Variants in SOX5 observed in about 807,000 individuals in gnomAD.
The protein encoded by SOX5 is SRY-box transcription factor 5, also known as transcription factor SOX-5.
SOX5 carries 9 observed loss-of-function variants against 92.0 expected under a neutral mutation model. That is an observed-to-expected ratio of 0.10 (90% CI 0.06 to 0.17). The LOEUF (loss-of-function observed/expected upper bound fraction) is 0.17. Among genes scored for constraint, SOX5 ranks in the 10% least tolerant of loss-of-function variants. The pLI is 1.00. For synonymous variants in SOX5, 344 were observed against 336.3 expected (o/e 1.02, Z -0.25); for missense variants, 642 against 944.5 (o/e 0.68, Z 4.20).
intron 4 of SOX5, among the ~76,000 whole-genome samples, chr12:24,096,847 AGT>A (rs777075313): frequency 2.0e-5 from 3 of 152,168 alleles, no homozygotes; most frequent in African/African-American, 7.2e-5. Flanking sequence ...CTTGTACAAA[AGT>A]GTGTGTGTCT....
chr12:23,604,674 A>C, intron 8 of SOX5, 141 bp from the exon 9 acceptor site: 1 of 736,382 alleles, frequency 1.4e-6, no homozygotes, highest in Non-Finnish European at 2.2e-6. Flanking sequence ...TAAAGAAAGA[A>C]GCTGTCACCT....
chr12:24,332,571 T>A (rs1277539526), intron 2 of SOX5, among the ~76,000 whole-genome samples: 2 of 151,752 alleles, frequency 1.3e-5, no homozygotes, highest in East Asian at 1.9e-4. Flanking sequence ...AATTAAAAAA[T>A]AAATCTAAAA....
At chr12:23,834,197 G>A (rs1385601315) in intron 3 of SOX5, among the ~76,000 whole-genome samples, 3 of 151,886 alleles carry the variant, frequency 2.0e-5, no homozygotes, top group African/African-American at 7.2e-5. Flanking sequence ...TAAGGCAGTG[G>A]AACGGCATAT....
chr12:23,902,735 C>T (rs1489908091), intron 1 of SOX5, among the ~76,000 whole-genome samples: 1 of 152,052 alleles, frequency 6.6e-6, no homozygotes, highest in Non-Finnish European at 1.5e-5. Flanking sequence ...GACCATTTCA[C>T]TTTATGTCAC....
intron 1 of SOX5, among the ~76,000 whole-genome samples, chr12:24,371,284 A>T (rs578133530): frequency 2.0e-5 from 3 of 152,342 alleles, no homozygotes; most frequent in Non-Finnish European, 4.4e-5. Context: ...CTTCAGTCCT[A>T]AAAATACAAA....
chr12:23,568,620 T>C (rs1166337870), intron 10 of SOX5, among the ~76,000 whole-genome samples: 3 of 152,258 alleles, frequency 2.0e-5, no homozygotes, highest in Admixed American at 2.0e-4. Context: ...CAGTCCCCTC[T>C]TTCTATATTC....
At chr12:24,067,737 A>G (rs1186128732) in intron 4 of SOX5, among the ~76,000 whole-genome samples, 1 of 152,196 alleles carries the variant, frequency 6.6e-6, no homozygotes, top group Non-Finnish European at 1.5e-5. Flanking sequence ...ACTTAACGCA[A>G]TCAGTAAACA....
intron 4 of SOX5, among the ~76,000 whole-genome samples, chr12:24,151,568 GT>G (rs748289889): frequency 2.6e-5 from 4 of 151,286 alleles, no homozygotes; most frequent in Non-Finnish European, 4.4e-5. Context: ...AATGTGTGAG[GT>G]TTTTTTTTGT....
intron 4 of SOX5, among the ~76,000 whole-genome samples, chr12:23,746,637 AT>A (rs1257486408): frequency 1.3e-5 from 2 of 152,148 alleles, no homozygotes; most frequent in African/African-American, 4.8e-5. Flanking sequence ...CATAGCAGTC[AT>A]TTATACTTCT....
intron 2 of SOX5, among the ~76,000 whole-genome samples, chr12:23,853,110 T>TTATA (rs1191364655): frequency 4.1e-5 from 6 of 147,560 alleles, no homozygotes; most frequent in African/African-American, 1.5e-4. Context: ...CATGCAAAAA[T>TTATA]TATATATATA....
chr12:23,975,913 A>C (rs1456074321), intron 4 of SOX5, among the ~76,000 whole-genome samples: 2 of 152,178 alleles, frequency 1.3e-5, no homozygotes, highest in African/African-American at 4.8e-5. Context: ...TAAAATTCTG[A>C]TGTGTAAATT....
chr12:23,647,426 G>A (rs1361865328), intron 7 of SOX5, among the ~76,000 whole-genome samples: 2 of 152,150 alleles, frequency 1.3e-5, no homozygotes, highest in Non-Finnish European at 2.9e-5. Flanking sequence ...ATGAGCTTTG[G>A]CTTCAACTTA....
chr12:24,015,611 T>C (rs948413796), intron 4 of SOX5, among the ~76,000 whole-genome samples: 1 of 152,168 alleles, frequency 6.6e-6, no homozygotes, highest in Non-Finnish European at 1.5e-5. Flanking sequence ...ACACTGTATA[T>C]ACTGAGTAGT....
At chr12:24,410,874 A>T (rs1292535148) in intron 1 of SOX5, among the ~76,000 whole-genome samples, 2 of 152,124 alleles carry the variant, frequency 1.3e-5, no homozygotes, top group African/African-American at 4.8e-5. Flanking sequence ...TTTGATAGTA[A>T]TTGTGTTAAG....
rs372601674 is a variant in SOX5 at position 23,672,631 on chromosome 12, G to A, written c.811-7067C>T. Among the ~76,000 whole-genome samples the A allele has an allele frequency of 1.1e-4, 17 of 151,800 alleles. No individual in the cohort carries two copies. The East Asian group carries it at 2.7e-3, about 24-fold the overall frequency. ...ATACCTCCACTTTATTTCCTTCAGG[G>A]CAACTGTCATTTCTTTTTAACCAGA... is the stretch of plus-strand genomic sequence containing the variant. On this transcript the variant is annotated intron_variant, in intron 6 of 14. Transcript: ENST00000451604.
intron 3 of SOX5, among the ~76,000 whole-genome samples, chr12:24,254,565 A>G (rs1245572723): frequency 6.6e-6 from 1 of 152,040 alleles, no homozygotes; most frequent in Non-Finnish European, 1.5e-5. Context: ...TTTATTGAAA[A>G]TTGTACTGAA....
intron 4 of SOX5, among the ~76,000 whole-genome samples, chr12:24,066,206 T>C (rs566425466): frequency 2.0e-5 from 3 of 152,224 alleles, no homozygotes; most frequent in Non-Finnish European, 4.4e-5. Flanking sequence ...TCAGTTGATA[T>C]AGAAGGCTGA....
At chr12:23,534,699 CTTT>C in intron 14 of SOX5, among the ~76,000 whole-genome samples, 177 bp from the exon 15 acceptor site, 1 of 137,920 alleles carries the variant, frequency 7.3e-6, no homozygotes, top group East Asian at 2.2e-4. Flanking sequence ...TTTTTCTTTT[CTTT>C]TCTTTTTTTT....
chr12:24,072,112 A>T (rs560715006), intron 4 of SOX5, among the ~76,000 whole-genome samples: 1 of 152,312 alleles, frequency 6.6e-6, no homozygotes, highest in South Asian at 2.1e-4. Flanking sequence ...AACATACTGC[A>T]TGGGTTCTAA....
Sources: allele counts gnomAD v4.1 joint callset (sites outside exome capture counted in the v4.1 genomes callset), GRCh38; gene constraint gnomAD v4.1.1; transcripts MANE v1.5; gene names NCBI Gene and HGNC (gene_info 2026-07-23, HGNC 2026-07-21).